The following UGT2B4 variants were observed in gnomAD, a reference collection of about 807,000 sequenced individuals.
The protein encoded by UGT2B4 is UDP glucuronosyltransferase family 2 member B4.
Under a neutral mutation model 49.8 loss-of-function variants are expected in UGT2B4, and 49 were observed. That is an observed-to-expected ratio of 0.98 (90% CI 0.78 to 1.25). The LOEUF (loss-of-function observed/expected upper bound fraction) is 1.25. Among genes scored for constraint, UGT2B4 ranks in the 50% most tolerant of loss-of-function variants. The pLI, the probability that UGT2B4 is intolerant of heterozygous loss-of-function variation, is 0.00. For synonymous variants in UGT2B4, 246 were observed against 217.7 expected, an observed-to-expected ratio of 1.13 and a Z score of -1.14; for missense variants, 729 against 627.7, an observed-to-expected ratio of 1.16 and a Z score of -1.73.
At chr4:69,492,573 C>T (rs1277194137) in intron 2 of UGT2B4, among the ~76,000 whole-genome samples, 2 of 151,966 alleles carry the variant, frequency 1.3e-5, no homozygotes, top group Non-Finnish European at 1.5e-5. Flanking sequence ...AGAATATAAT[C>T]TTGAAATGCT....
At chr4:69,486,458 T>C (rs1727787057) in intron 4 of UGT2B4, 151 bp downstream of exon 4, 1 of 446,948 alleles carries the variant, frequency 2.2e-6, no homozygotes, top group Non-Finnish European at 3.8e-6. Flanking sequence ...TTTATTCTTT[T>C]CCCCCGGGAC....
chr4:69,510,971 C>CTGTT lies in UGT2B4; in HGVS notation c.-106+14715_-106+14716insAACA, dbSNP rs1365742386. Among the ~76,000 whole-genome samples the CTGTT allele has an allele frequency of 6.6e-4, 92 of 139,112 alleles. 11 individuals carry two copies. The highest frequency in any genetic ancestry group is 9.8e-4 in the African/African-American group (37 of 37,804). The allele number at this position is 139,112 out of a possible 152,430, so 91.3% of individuals were successfully genotyped here. ...ATAAGCTGTGGGCTTTTCATAAATA[C>CTGTT]TCTTTCTTTTCTTTTCTTCTTTTTT... is the stretch of plus-strand genomic sequence containing the variant. On this transcript the variant is annotated intron_variant, in intron 1 of 1. Transcript: ENST00000510114.
chr4:69,501,438 G>A (rs533901270), intron 1 of UGT2B4, among the ~76,000 whole-genome samples: 10 of 152,220 alleles, frequency 6.6e-5, no homozygotes, highest in South Asian at 6.2e-4. Context: ...GAGAGGGCTC[G>A]CAAGAGGTGT....
rs754184436 is a variant in UGT2B4 at position 69,495,345 on chromosome 4, G to A, written c.517C>T (p.Arg173Cys). ...TCAATTGCGTAGCCAGGAGAGAAGC[G>A]GAGGCTGTAGACAAAGGGTATTTTA... ...LLKIPFVYSL[R>C]FSPGYAIEKH... The change falls in exon 1 of 6, where the codon CGC (arginine) becomes TGC (cysteine). Residue 173 changes from arginine to cysteine, a missense_variant. Coordinates refer to ENST00000305107, the MANE Select transcript of UGT2B4 (RefSeq NM_021139.3). 28 of 1,613,462 alleles carry A rather than the reference G, an allele frequency of 1.7e-5. No individual in the cohort carries two copies. The highest frequency in any genetic ancestry group is 2.2e-5 in the East Asian group (1 of 44,840).
chr4:69,509,561 T>A, intron 1 of UGT2B4, among the ~76,000 whole-genome samples: 1 of 152,204 alleles, frequency 6.6e-6, no homozygotes, highest in East Asian at 1.9e-4. Flanking sequence ...AATTCATATA[T>A]CATCACGGTT....
At chr4:69,511,224 A>C (rs1728595469) in intron 1 of UGT2B4, among the ~76,000 whole-genome samples, 1 of 152,044 alleles carries the variant, frequency 6.6e-6, no homozygotes, top group Admixed American at 6.6e-5. Context: ...TCCTGAACTC[A>C]GGTGATCCAC....
At chr4:69,524,380 C>A (rs34681342) in intron 1 of UGT2B4, among the ~76,000 whole-genome samples, 3 of 151,530 alleles carry the variant, frequency 2.0e-5, no homozygotes, top group Non-Finnish European at 2.9e-5. Context: ...TTAACGTTGT[C>A]GTTTCTCAGG....
intron 3 of UGT2B4, among the ~76,000 whole-genome samples, chr4:69,488,541 T>C (rs1727863351): frequency 6.6e-6 from 1 of 152,104 alleles, no homozygotes; most frequent in Non-Finnish European, 1.5e-5. Flanking sequence ...AATTGACAAA[T>C]ACACATTTTA....
chr4:69,517,207 T>A (rs921273006), intron 1 of UGT2B4, among the ~76,000 whole-genome samples: 33 of 152,186 alleles, frequency 2.2e-4, no homozygotes, highest in Non-Finnish European at 3.7e-4. Flanking sequence ...AGTTTTCTAA[T>A]CTTTTCTCAA....
intron 1 of UGT2B4, among the ~76,000 whole-genome samples, chr4:69,519,432 G>T (rs537999707): frequency 2.0e-5 from 3 of 152,154 alleles, no homozygotes; most frequent in African/African-American, 7.2e-5. Context: ...AAAACTCAGG[G>T]TTAGGCAAAA....
intron 1 of UGT2B4, among the ~76,000 whole-genome samples, chr4:69,521,282 A>G (rs1224812787): frequency 6.6e-6 from 1 of 152,170 alleles, no homozygotes; most frequent in Non-Finnish European, 1.5e-5. Context: ...GTCATATTGC[A>G]GGTGACAAGA....
At chr4:69,510,022 A>T in intron 1 of UGT2B4, among the ~76,000 whole-genome samples, 1 of 152,170 alleles carries the variant, frequency 6.6e-6, no homozygotes, top group Non-Finnish European at 1.5e-5. Flanking sequence ...TTTTGAGTAG[A>T]TTTTTTGTGT....
rs536661560 is a variant in UGT2B4 at position 69,489,768 on chromosome 4, T to C, written c.871-198A>G. On this transcript the variant is annotated intron_variant, in intron 2 of 5. Transcript: ENST00000305107. ...ATAGGTTGCCTCTGTTAAGGGTCTTTGTGTAAATATGTGTGTGTGTATGTG... is the reference window on the plus strand; with the variant it reads ...ATAGGTTGCCTCTGTTAAGGGTCTTCGTGTAAATATGTGTGTGTGTATGTG... Among the ~76,000 whole-genome samples the C allele has an allele frequency of 6.6e-5, 10 of 152,184 alleles. No individual in the cohort carries two copies. In the East Asian group the frequency reaches 1.7e-3, roughly 26 times the overall value.
At chr4:69,524,170 T>C (rs1370602214) in intron 1 of UGT2B4, among the ~76,000 whole-genome samples, 1 of 152,134 alleles carries the variant, frequency 6.6e-6, no homozygotes, top group Non-Finnish European at 1.5e-5. Flanking sequence ...TTGTAATTTC[T>C]TTCAATAACT....
intron 4 of UGT2B4, among the ~76,000 whole-genome samples, chr4:69,485,804 C>T (rs1727764494): frequency 6.6e-6 from 1 of 152,124 alleles, no homozygotes; most frequent in Non-Finnish European, 1.5e-5. Flanking sequence ...CTCTGTTGCC[C>T]AGGGTGGAGT....
chr4:69,485,673 T>C (rs1414191435), intron 4 of UGT2B4, among the ~76,000 whole-genome samples: 1 of 143,222 alleles, frequency 7.0e-6, no homozygotes, highest in Non-Finnish European at 1.5e-5. Context: ...AAAGGTGCAA[T>C]TTAGATAAGG....
At chr4:69,490,019 C>T (rs931035087) in intron 2 of UGT2B4, among the ~76,000 whole-genome samples, 2 of 152,150 alleles carry the variant, frequency 1.3e-5, no homozygotes, top group Non-Finnish European at 2.9e-5. Flanking sequence ...ACTTCCCTGA[C>T]TCTGAGCACT....
At chr4:69,514,044 A>T (rs1203488367) in intron 1 of UGT2B4, among the ~76,000 whole-genome samples, 1 of 151,540 alleles carries the variant, frequency 6.6e-6, no homozygotes, top group Non-Finnish European at 1.5e-5. Context: ...GCCTAGAATG[A>T]AATCTGAATA....
exon 1 of UGT2B4, chr4:69,525,687 C>G (rs1364226521): frequency 1.6e-6 from 2 of 1,278,102 alleles, no homozygotes; most frequent in African/African-American, 1.5e-5. Context: ...TAGCACTTAC[C>G]TAATCCATTC....
Sources: allele counts gnomAD v4.1 joint callset (sites outside exome capture counted in the v4.1 genomes callset), GRCh38; gene constraint gnomAD v4.1.1; transcripts MANE v1.5; gene names NCBI Gene and HGNC (gene_info 2026-07-23, HGNC 2026-07-21).